The following FOXN2 variants were observed in gnomAD, a reference collection of about 807,000 sequenced individuals.
FOXN2 encodes the protein forkhead box protein N2.
In FOXN2, 19 loss-of-function variants were observed where a neutral mutation model predicts 41.2. That is an observed-to-expected ratio of 0.46 (90% CI 0.32 to 0.68). FOXN2 has a LOEUF of 0.68. Ranked by LOEUF, FOXN2 falls within the 30% of genes least tolerant of loss-of-function variation. The pLI, the probability that FOXN2 is intolerant of heterozygous loss-of-function variation, is 0.03. For missense variants in FOXN2, 587 were observed against 509.4 expected, an observed-to-expected ratio of 1.15 and a Z score of -1.47; for synonymous variants, 195 against 176.8, an observed-to-expected ratio of 1.10 and a Z score of -0.82.
intron 2 of FOXN2, chr2:48,340,969 C>A (rs145092586): frequency 6.6e-6 from 1 of 152,112 alleles, no homozygotes; most frequent in African/African-American, 2.4e-5. Context: ...AGTGTCTTGG[C>A]TTAGAAATTC....
chr2:48,345,909 G>A (rs28595126), intron 2 of FOXN2, among the ~76,000 whole-genome samples: 18,404 of 152,020 alleles, frequency 0.12, 1,314 homozygotes, highest in African/African-American at 0.2. Context: ...GATTAGTGTG[G>A]GCTAGGTACT....
intron 1 of FOXN2, among the ~76,000 whole-genome samples, chr2:48,315,122 CG>C (rs1387573731): frequency 1.3e-5 from 2 of 152,070 alleles, no homozygotes; most frequent in Non-Finnish European, 2.9e-5. Flanking sequence ...TGTCGCGCGG[CG>C]GAAACCGCGG....
intron 2 of FOXN2, among the ~76,000 whole-genome samples, chr2:48,331,431 G>T (rs1474726353): frequency 6.6e-6 from 1 of 152,084 alleles, no homozygotes; most frequent in Non-Finnish European, 1.5e-5. Context: ...CTTTTTAAAG[G>T]TATTGAACTC....
At chr2:48,344,851 C>A (rs958098130) in intron 2 of FOXN2, among the ~76,000 whole-genome samples, 4 of 141,916 alleles carry the variant, frequency 2.8e-5, no homozygotes, top group Non-Finnish European at 4.7e-5. Flanking sequence ...CCCCCCCCCC[C>A]CAATTATTTC....
intron 5 of FOXN2, among the ~76,000 whole-genome samples, chr2:48,368,584 C>A (rs918018580): frequency 2.0e-5 from 3 of 152,030 alleles, no homozygotes; most frequent in African/African-American, 7.2e-5. Flanking sequence ...TCCAGCTACA[C>A]GAGAGGCTGA....
At chr2:48,347,751 G>A (rs549228409) in intron 3 of FOXN2, among the ~76,000 whole-genome samples, 1 of 152,188 alleles carries the variant, frequency 6.6e-6, no homozygotes. Flanking sequence ...AATTCCTTTT[G>A]CCTGGAGAAG....
chr2:48,363,003 C>G (rs564340882), intron 5 of FOXN2, among the ~76,000 whole-genome samples: 1 of 152,264 alleles, frequency 6.6e-6, no homozygotes, highest in East Asian at 1.9e-4. Context: ...TATGTATTTA[C>G]TATACTTTTT....
chr2:48,326,665 C>A (rs1208100913), intron 1 of FOXN2, among the ~76,000 whole-genome samples: 1 of 152,078 alleles, frequency 6.6e-6, no homozygotes, highest in Non-Finnish European at 1.5e-5. Flanking sequence ...TTCTGAGTGC[C>A]AACATGCCAC....
At chr2:48,324,604 C>G (rs1462565716) in intron 1 of FOXN2, among the ~76,000 whole-genome samples, 1 of 152,032 alleles carries the variant, frequency 6.6e-6, no homozygotes, top group Admixed American at 6.5e-5. Flanking sequence ...TCCCTTTGTA[C>G]TTCTATTCAA....
intron 4 of FOXN2, among the ~76,000 whole-genome samples, chr2:48,360,551 G>A (rs1239400929): frequency 1.3e-5 from 2 of 152,080 alleles, no homozygotes; most frequent in Non-Finnish European, 2.9e-5. Context: ...CACTCACTGA[G>A]ATTTTAAGCT....
At chr2:48,336,435 ATGTGTGTG>A (rs748406091) in intron 2 of FOXN2, among the ~76,000 whole-genome samples, 5 of 146,086 alleles carry the variant, frequency 3.4e-5, no homozygotes, top group African/African-American at 5.1e-5. Flanking sequence ...ATATATGTAT[ATGTGTGTG>A]TGTGTGTGTG....
At chr2:48,322,830 G>A (rs1447120891) in intron 1 of FOXN2, among the ~76,000 whole-genome samples, 1 of 148,920 alleles carries the variant, frequency 6.7e-6, no homozygotes, top group African/African-American at 2.4e-5. Context: ...CTTTGAAATA[G>A]GAGTTCATTT....
chr2:48,358,013 A>G (rs536777086), intron 3 of FOXN2, among the ~76,000 whole-genome samples: 3 of 152,096 alleles, frequency 2.0e-5, no homozygotes, highest in African/African-American at 4.8e-5. Context: ...TGGTTTTTCT[A>G]TTTATATAAA....
intron 2 of FOXN2, among the ~76,000 whole-genome samples, chr2:48,337,598 G>A (rs1011494608): frequency 2.0e-5 from 3 of 151,974 alleles, no homozygotes; most frequent in Non-Finnish European, 4.4e-5. Flanking sequence ...GAGCCACCAC[G>A]CCTGGCCTGA....
chr2:48,359,294 T>TA lies in FOXN2; in HGVS notation c.638+147_638+148insA, dbSNP rs1198653661. 9.5e-6 allele frequency: 6 copies of TA among 629,008 alleles called. No homozygotes were observed. The Admixed American group carries it at 1.6e-4, about 17-fold the overall frequency. 39.0% of individuals were successfully genotyped at this position (629,008 alleles called of 1,614,324 possible). A position where few individuals can be genotyped will look rare whatever the true frequency, so the allele number is the denominator to read the frequency against. On this transcript the variant is annotated intron_variant, in intron 4 of 6. Transcript: ENST00000340553. ...TATTTAGTTTTTAGTTTTTAGTTTT[T>TA]GTTTTTGTTTTGTTTTGTGGACACA...
At chr2:48,346,987 A>G (rs1045789517) in intron 3 of FOXN2, among the ~76,000 whole-genome samples, 7 of 152,010 alleles carry the variant, frequency 4.6e-5, no homozygotes, top group Admixed American at 1.3e-4. Context: ...TCTTTTTATT[A>G]TTTTAGTTCT....
At chr2:48,353,062 G>C (rs1021740656) in intron 3 of FOXN2, among the ~76,000 whole-genome samples, 7 of 152,188 alleles carry the variant, frequency 4.6e-5, no homozygotes, top group African/African-American at 1.7e-4. Context: ...CCTAGATCCA[G>C]ATAGATGTGT....
In FOXN2 at chr2:48,375,155, T is replaced by C. The variant is rs1448166283; in HGVS notation, c.1008T>C (p.Asn336=). ...VDEVYEFIPK[N]SHVGSDGSEG... ...AGGTATATGAATTTATCCCAAAGAA[T>C]AGTCACGTGGGAAGTGATGGCAGTG... The change falls in exon 7 of 7, where the codon AAT becomes AAC. Residue 336 remains asparagine (N), a synonymous_variant. Transcript: ENST00000340553. The C allele has an allele frequency of 6.2e-6, 10 of 1,614,106 alleles. No individual in the cohort carries two copies. Among genetic ancestry groups the C allele is most frequent in the Non-Finnish European group, 8.5e-6 (10 of 1,179,996 alleles).
At chr2:48,355,035 G>C (rs1671698489) in intron 3 of FOXN2, among the ~76,000 whole-genome samples, 1 of 152,084 alleles carries the variant, frequency 6.6e-6, no homozygotes, top group Non-Finnish European at 1.5e-5. Context: ...GCTCTTCTTT[G>C]ATCTAGCAGA....
Sources: gnomAD v4.1 joint callset for allele counts (sites outside exome capture counted in the v4.1 genomes callset) on GRCh38, gnomAD v4.1.1 for gene constraint, MANE v1.5 for transcripts, NCBI Gene and HGNC (gene_info 2026-07-23, HGNC 2026-07-21) for gene names.